CTHRC1: variants seen among roughly 807,000 people sequenced by gnomAD.
The protein encoded by CTHRC1 is collagen triple helix repeat containing 1.
CTHRC1 carries 21 observed loss-of-function variants against 25.9 expected under a neutral mutation model. That is an observed-to-expected ratio of 0.81 (90% CI 0.57 to 1.17). The LOEUF is 1.17. Among genes scored for constraint, CTHRC1 ranks in the 50% most tolerant of loss-of-function variants. The probability of loss-of-function intolerance (pLI) is 0.00; values close to 1 mark genes in which losing one functional copy is unlikely to be tolerated. For missense variants in CTHRC1, 281 were observed against 304.3 expected (o/e 0.92, Z 0.57); for synonymous variants, 109 against 113.1 (o/e 0.96, Z 0.23).
intron 1 of CTHRC1, chr8:103,372,583 A>C: frequency 6.3e-7 from 1 of 1,598,374 alleles, no homozygotes. Context: ...ATCACAGTCA[A>C]GCTACGGGAG....
At chr8:103,372,475 T>G (rs1291008028) in intron 1 of CTHRC1, 1 of 1,588,024 alleles carries the variant, frequency 6.3e-7, no homozygotes, top group Admixed American at 1.7e-5. Context: ...GGCCCGGCGC[T>G]AACCCTCTAA....
chr8:103,382,020 G>A (rs115945247), intron 3 of CTHRC1, among the ~76,000 whole-genome samples: 16 of 151,608 alleles, frequency 1.1e-4, no homozygotes, highest in Admixed American at 2.6e-4. Flanking sequence ...AAGTTATTTC[G>A]TCTACTTGTC....
chr8:103,372,354 C>CA, intron 1 of CTHRC1: 1 of 1,053,856 alleles, frequency 9.5e-7, no homozygotes, highest in Admixed American at 3.0e-5. Context: ...GACTATGAGT[C>CA]ACGTTGGGTC....
At chr8:103,376,397 AT>A (rs1815808883) in intron 2 of CTHRC1, among the ~76,000 whole-genome samples, 2 of 152,364 alleles carry the variant, frequency 1.3e-5, no homozygotes, top group African/African-American at 4.8e-5. Context: ...TTTAGGAAGC[AT>A]GCCCAGCTTA....
At chr8:103,372,206 T>C (rs570475213) in intron 1 of CTHRC1, among the ~76,000 whole-genome samples, 3 of 152,280 alleles carry the variant, frequency 2.0e-5, no homozygotes, top group Non-Finnish European at 4.4e-5. Context: ...GGAAAAACCC[T>C]GGCCTCGCTG....
At chr8:103,380,410 T>C (rs1815886500) in intron 3 of CTHRC1, among the ~76,000 whole-genome samples, 1 of 152,220 alleles carries the variant, frequency 6.6e-6, no homozygotes, top group African/African-American at 2.4e-5. Context: ...AAAAGTTACC[T>C]CTGTAACAGA....
At chr8:103,380,697 G>T (rs1054130383) in intron 3 of CTHRC1, among the ~76,000 whole-genome samples, 1 of 152,302 alleles carries the variant, frequency 6.6e-6, no homozygotes, top group South Asian at 2.1e-4. Flanking sequence ...CCATTTGACT[G>T]TCCTCAGATG....
At chr8:103,375,696 T>A (rs763680532) in intron 1 of CTHRC1, 42 bp from the exon 2 acceptor site, 1 of 1,520,810 alleles carries the variant, frequency 6.6e-7, no homozygotes, top group South Asian at 1.1e-5. Context: ...CTTTGACTCT[T>A]AAGTGGTGAG....
At chr8:103,372,751 A>G (rs1012647613) in intron 1 of CTHRC1, 20 of 988,338 alleles carry the variant, frequency 2.0e-5, no homozygotes, top group African/African-American at 9.6e-5. Context: ...GGAGCCTTTC[A>G]GAGCTACCGT....
intron 1 of CTHRC1, among the ~76,000 whole-genome samples, chr8:103,373,890 G>A (rs999352657): frequency 2.1e-4 from 32 of 151,864 alleles, no homozygotes; most frequent in Non-Finnish European, 2.9e-4. Context: ...ATCAGAAGCA[G>A]TCTTATTCCC....
intron 2 of CTHRC1, among the ~76,000 whole-genome samples, chr8:103,376,966 GTTGT>G (rs538773438): frequency 2.5e-4 from 38 of 152,260 alleles, no homozygotes; most frequent in African/African-American, 8.9e-4. Context: ...TGATAGACTG[GTTGT>G]TTATTTATAG....
chr8:103,372,395 C>A, intron 1 of CTHRC1: 1 of 1,425,112 alleles, frequency 7.0e-7, no homozygotes, highest in Non-Finnish European at 9.2e-7. Context: ...CTGCAATTTA[C>A]TTTGTTGGAC....
chr8:103,372,560 G>A (rs762700014), intron 1 of CTHRC1: 11 of 1,598,178 alleles, frequency 6.9e-6, no homozygotes, highest in Admixed American at 1.7e-5. Context: ...ATATGTGGCC[G>A]CCAGGTAGGA....
At position 103,374,493 on chromosome 8, in the gene CTHRC1, T is replaced by C. The variant is rs557986001; in HGVS notation, c.151-1245T>C. Among the ~76,000 whole-genome samples the C allele has an allele frequency of 1.3e-4, 20 of 152,294 alleles. No homozygotes were observed. The South Asian group carries it at 1.7e-3, about 13-fold the overall frequency. On this transcript the variant is annotated intron_variant, in intron 1 of 3. Transcript: ENST00000330295. ...TTGTTCCTAGCTGAACCAATTCAGG[T>C]GTAGACACAGGAATTAGACAGGTGG...
rs1000194128 is a variant in CTHRC1 at position 103,371,544 on chromosome 8, C to T, written c.-113C>T. The T allele has an allele frequency of 6.7e-5, 77 of 1,150,484 alleles. No individual in the cohort carries two copies. In the East Asian group the frequency reaches 2.0e-3, roughly 30 times the overall value. 71.3% of individuals were successfully genotyped at this position (1,150,484 alleles called of 1,614,324 possible). A position where few individuals can be genotyped will look rare whatever the true frequency, so the allele number is the denominator to read the frequency against. ...GGGAGAGAGGCGCGCGGGTGAAAGG[C>T]GCATTGATGCAGCCTGCGGCGGCCT... is the stretch of plus-strand genomic sequence containing the variant. On this transcript the variant is annotated 5_prime_UTR_variant, in exon 1 of 4. Transcript: ENST00000330295.
intron 2 of CTHRC1, chr8:103,376,189 C>T (rs1190126733): frequency 6.7e-6 from 4 of 598,018 alleles, no homozygotes; most frequent in African/African-American, 1.9e-5. Context: ...TCTAAAATAA[C>T]ATACTTTTTA....
intron 3 of CTHRC1, 117 bp downstream of exon 3, chr8:103,378,360 A>G (rs900756488): frequency 3.7e-5 from 29 of 789,860 alleles, no homozygotes; most frequent in Non-Finnish European, 5.6e-5. Flanking sequence ...CAAGTTTTCA[A>G]TGCATGATTC....
At position 103,382,984 on chromosome 8, in the gene CTHRC1, C is replaced by T. The variant is rs1815941085; in HGVS notation, c.*384C>T. 1 of 180,842 alleles carries T rather than the reference C, an allele frequency of 5.5e-6. No individual in the cohort carries two copies. Among genetic ancestry groups the T allele is most frequent in the Admixed American group, 5.6e-5 (1 of 17,740 alleles). The allele number at this position is 180,842 out of a possible 1,614,324, so 11.2% of individuals were successfully genotyped here. On this transcript the variant is annotated 3_prime_UTR_variant, in exon 4 of 4. Transcript: ENST00000330295. ...ATATCTGTTAAATAAAAATTATTTC[C>T]AACAACCTTAATATCTTTAAATTAA...
At position 103,382,581 on chromosome 8, in the gene CTHRC1, T is replaced by C; in HGVS notation, c.713T>C (p.Ile238Thr). 4.3e-6 allele frequency: 7 copies of C among 1,613,498 alleles called. 1 individual carries two copies. Among genetic ancestry groups the C allele is most frequent in the East Asian group, 4.5e-5 (2 of 44,772 alleles). ...TGWNSVSRII[I>T]EELPK ...TGGAATTCAGTTTCTCGCATCATTA[T>C]TGAAGAACTACCAAAATAAATGCTT... Residue 238 changes from isoleucine to threonine, a missense_variant, in exon 4 of 4, where the codon ATT becomes ACT. Coordinates refer to ENST00000330295, the MANE Select transcript of CTHRC1 (RefSeq NM_138455.4).
Sources: gnomAD v4.1 joint callset for allele counts (sites outside exome capture counted in the v4.1 genomes callset) on GRCh38, gnomAD v4.1.1 for gene constraint, MANE v1.5 for transcripts, NCBI Gene and HGNC (gene_info 2026-07-23, HGNC 2026-07-21) for gene names.